The following ZNF438 variants were observed in gnomAD, a reference collection of about 807,000 sequenced individuals.
The protein encoded by ZNF438 is zinc finger protein 438.
In ZNF438, 25 loss-of-function variants were observed where a neutral mutation model predicts 38.0. The ratio of observed to expected loss-of-function variants is 0.66; its 90% CI spans 0.48 to 0.92. ZNF438 has a LOEUF of 0.92. ZNF438 is among the 40% of genes least tolerant of loss of function. The probability of loss-of-function intolerance (pLI) is 0.00; values close to 1 mark genes in which losing one functional copy is unlikely to be tolerated. For synonymous variants in ZNF438, 372 were observed against 364.1 expected (o/e 1.02, Z -0.25); for missense variants, 1,007 against 999.6 (o/e 1.01, Z -0.10).
intron 3 of ZNF438, among the ~76,000 whole-genome samples, chr10:30,902,332 T>C (rs533652587): frequency 6.6e-6 from 1 of 151,866 alleles, no homozygotes; most frequent in South Asian, 2.1e-4. Context: ...CCCACTAGAT[T>C]ACCTAGATAC....
At chr10:30,849,536 C>T (rs1274836238) in exon 5 of ZNF438, 6 of 1,614,014 alleles carry the variant, frequency 3.7e-6, no homozygotes, top group Non-Finnish European at 5.1e-6. Context: ...TGGCAGTTTC[C>T]CTTTGGGGAC....
chr10:31,031,493 A>G (rs1249223227), intron 1 of ZNF438, among the ~76,000 whole-genome samples: 2 of 152,236 alleles, frequency 1.3e-5, no homozygotes, highest in African/African-American at 4.8e-5. Context: ...GAGAGGGGGA[A>G]GAAAAGGAAT....
chr10:30,904,388 T>C (rs1432238630), intron 3 of ZNF438, among the ~76,000 whole-genome samples: 1 of 152,152 alleles, frequency 6.6e-6, no homozygotes, highest in Non-Finnish European at 1.5e-5. Flanking sequence ...GTATCAATTT[T>C]ATCTTGCAAA....
intron 2 of ZNF438, among the ~76,000 whole-genome samples, chr10:30,914,452 C>T (rs935388847): frequency 1.3e-5 from 2 of 151,542 alleles, no homozygotes; most frequent in Non-Finnish European, 2.9e-5. Flanking sequence ...TAAATAAATA[C>T]ACACACAAAT....
At chr10:30,989,375 G>A (rs1012782637) in intron 1 of ZNF438, among the ~76,000 whole-genome samples, 1 of 152,176 alleles carries the variant, frequency 6.6e-6, no homozygotes, top group Non-Finnish European at 1.5e-5. Flanking sequence ...TAAGAAACAT[G>A]CAAGTAAAGA....
At position 31,011,965 on chromosome 10, in the gene ZNF438, C is replaced by T. The variant is rs116133969; in HGVS notation, c.-192+19868G>A. Among the ~76,000 whole-genome samples, 563 of 152,224 alleles carry T rather than the reference C, an allele frequency of 3.7e-3. 7 individuals carry two copies. The highest frequency in any genetic ancestry group is 0.013 in the African/African-American group (522 of 41,534). ...CACGCTCCCCAGTGCCATGGCTGTT[C>T]CTTATACAAGCCCCTGCCAGGGCTT... On this transcript the variant is annotated intron_variant, in intron 1 of 5. Coordinates refer to ENST00000413025, the Ensembl canonical transcript of ZNF438.
At chr10:30,917,004 T>A (rs1056121251) in intron 2 of ZNF438, among the ~76,000 whole-genome samples, 8 of 151,904 alleles carry the variant, frequency 5.3e-5, no homozygotes, top group African/African-American at 1.7e-4. Flanking sequence ...GAGGCAAAAT[T>A]TATATAAAAT....
chr10:30,940,540 C>T (rs144241321), intron 2 of ZNF438, among the ~76,000 whole-genome samples: 2 of 152,274 alleles, frequency 1.3e-5, no homozygotes, highest in African/African-American at 4.8e-5. Context: ...AATGAGAGTT[C>T]AGAGAATAGG....
At chr10:30,949,558 C>T (rs960258429) in intron 1 of ZNF438, among the ~76,000 whole-genome samples, 2 of 152,102 alleles carry the variant, frequency 1.3e-5, no homozygotes, top group African/African-American at 4.8e-5. Context: ...GGAGGAAGAT[C>T]TACCAAGCAA....
In ZNF438 at chr10:30,961,272, T is replaced by G. The variant is rs1297581363; in HGVS notation, c.-191-19621A>C. On this transcript the variant is annotated intron_variant, in intron 1 of 5. Coordinates refer to ENST00000413025, the Ensembl canonical transcript of ZNF438. Reference sequence around the variant, plus strand: ...AAAAAAATTAAAAAAAAAAATTTTTTAATTTATTATACCTTTTTAAAAAAT... The same window carrying G: ...AAAAAAATTAAAAAAAAAAATTTTTGAATTTATTATACCTTTTTAAAAAAT... Among the ~76,000 whole-genome samples, 3 of 144,108 alleles carry G rather than the reference T, an allele frequency of 2.1e-5. No individual in the cohort carries two copies. The Admixed American group carries it at 2.1e-4, about 10-fold the overall frequency. 94.5% of individuals were successfully genotyped at this position (144,108 alleles called of 152,430 possible). A position where few individuals can be genotyped will look rare whatever the true frequency, so the allele number is the denominator to read the frequency against.
intron 4 of ZNF438, among the ~76,000 whole-genome samples, chr10:30,855,708 G>A (rs546794619): frequency 2.6e-5 from 4 of 152,278 alleles, no homozygotes; most frequent in African/African-American, 4.8e-5. Flanking sequence ...GTAATACCAC[G>A]CAGTAATAAA....
chr10:30,947,429 G>A (rs996425249), intron 1 of ZNF438, among the ~76,000 whole-genome samples: 3 of 152,262 alleles, frequency 2.0e-5, no homozygotes, highest in African/African-American at 4.8e-5. Context: ...TCTCTTCAAA[G>A]CTGTCAGACA....
intron 4 of ZNF438, among the ~76,000 whole-genome samples, chr10:30,858,552 T>C (rs1006684879): frequency 1.3e-5 from 2 of 152,248 alleles, no homozygotes; most frequent in African/African-American, 4.8e-5. Flanking sequence ...GAGCATGCAC[T>C]GTAAAACGTG....
chr10:30,916,490 T>A (rs1219064387), intron 2 of ZNF438, among the ~76,000 whole-genome samples: 1 of 152,078 alleles, frequency 6.6e-6, no homozygotes, highest in Admixed American at 6.6e-5. Flanking sequence ...CCAATTCCAA[T>A]CCTTTTTCCC....
chr10:30,978,840 C>G (rs937595543), intron 1 of ZNF438, among the ~76,000 whole-genome samples: 2 of 152,342 alleles, frequency 1.3e-5, no homozygotes, highest in East Asian at 3.9e-4. Context: ...GGCTTCAAGT[C>G]ACCAGCTGCA....
At chr10:30,935,166 T>C (rs1020069852) in intron 2 of ZNF438, among the ~76,000 whole-genome samples, 1 of 152,250 alleles carries the variant, frequency 6.6e-6, no homozygotes, top group Non-Finnish European at 1.5e-5. Flanking sequence ...TATCTCCATA[T>C]TACAGATGAG....
chr10:30,883,113 G>A (rs762985158), intron 3 of ZNF438, among the ~76,000 whole-genome samples: 10 of 152,110 alleles, frequency 6.6e-5, no homozygotes, highest in Non-Finnish European at 1.2e-4. Flanking sequence ...CATTTAACAA[G>A]TAATCATCAG....
chr10:30,882,557 C>T (rs766601872), intron 3 of ZNF438, among the ~76,000 whole-genome samples: 3 of 152,110 alleles, frequency 2.0e-5, no homozygotes, highest in Non-Finnish European at 4.4e-5. Context: ...AATGAAGAAA[C>T]ATGATGCTAT....
At chr10:30,974,908 C>A (rs1447244238) in intron 1 of ZNF438, among the ~76,000 whole-genome samples, 1 of 152,228 alleles carries the variant, frequency 6.6e-6, no homozygotes, top group East Asian at 1.9e-4. Flanking sequence ...GGTCTCCTGC[C>A]TCCTCAGCCC....
Sources: gnomAD v4.1 joint callset for allele counts (sites outside exome capture counted in the v4.1 genomes callset) on GRCh38, gnomAD v4.1.1 for gene constraint, MANE v1.5 for transcripts, NCBI Gene and HGNC (gene_info 2026-07-23, HGNC 2026-07-21) for gene names.